Variants in SFMBT2 observed in about 807,000 individuals in gnomAD.
SFMBT2 encodes scm-like with four MBT domains protein 2.
A neutral mutation model predicts 110.1 loss-of-function variants in SFMBT2; 38 were observed. The ratio of observed to expected loss-of-function variants is 0.35; its 90% CI spans 0.27 to 0.45. The LOEUF (loss-of-function observed/expected upper bound fraction) is 0.45, where lower values mean the gene tolerates loss of function less well. Among genes scored for constraint, SFMBT2 ranks in the 20% least tolerant of loss-of-function variants. The pLI, the probability that SFMBT2 is intolerant of heterozygous loss-of-function variation, is 1.00. For synonymous variants in SFMBT2, 425 were observed against 425.4 expected (o/e 1.00, Z 0.01); for missense variants, 1,011 against 1,094.9 (o/e 0.92, Z 1.08).
intron 4 of SFMBT2, among the ~76,000 whole-genome samples, chr10:7,309,990 G>A (rs192475492): frequency 3.3e-5 from 5 of 152,248 alleles, no homozygotes; most frequent in South Asian, 4.2e-4. Flanking sequence ...AGGGGACAGC[G>A]CTGTATTCTG....
At chr10:7,315,203 C>T (rs557478762) in intron 4 of SFMBT2, among the ~76,000 whole-genome samples, 1 of 152,298 alleles carries the variant, frequency 6.6e-6, no homozygotes, top group Admixed American at 6.5e-5. Context: ...ATGTGCCTGG[C>T]CATGATGCTC....
intron 4 of SFMBT2, among the ~76,000 whole-genome samples, chr10:7,362,306 T>C (rs1383042162): frequency 6.6e-6 from 1 of 152,162 alleles, no homozygotes; most frequent in Non-Finnish European, 1.5e-5. Flanking sequence ...AATCCCCTAG[T>C]GATGACATCT....
chr10:7,184,994 G>A (rs979173495), intron 16 of SFMBT2, among the ~76,000 whole-genome samples: 4 of 152,084 alleles, frequency 2.6e-5, no homozygotes, highest in African/African-American at 7.2e-5. Flanking sequence ...CTTCAGGGTC[G>A]GGAGAATGGG....
chr10:7,225,902 C>T (rs956197762), intron 10 of SFMBT2, among the ~76,000 whole-genome samples: 1 of 151,416 alleles, frequency 6.6e-6, no homozygotes, highest in African/African-American at 2.5e-5. Flanking sequence ...TGAAAGCAGA[C>T]AAGCCAGCAG....
chr10:7,243,633 A>G lies in SFMBT2; in HGVS notation c.1045T>C (p.Cys349Arg). The stretch of plus-strand genomic sequence containing the variant: ...AAAATCCCCAAAGAATCTGCATGGC[A>G]CAGCATTGACAGTTTACTTGGTTCA... ...RPEPSKLSML[C>R]HADSLGILPV... Residue 349 changes from cysteine (C) to arginine (R), a missense_variant, in exon 9 of 21, where the codon TGC (cysteine) becomes CGC (arginine). Cys to Arg is a radical substitution (Grantham distance 180, BLOSUM62 -3). Transcript: ENST00000397167. The G allele has an allele frequency of 1.1e-6, 1 of 872,960 alleles. No homozygotes were observed. The highest frequency in any genetic ancestry group is 1.3e-5 in the South Asian group (1 of 76,538). The allele number at this position is 872,960 out of a possible 1,614,324, so 54.1% of individuals were successfully genotyped here.
intron 14 of SFMBT2, among the ~76,000 whole-genome samples, chr10:7,198,607 G>A (rs1461439183): frequency 4.6e-5 from 7 of 152,186 alleles, no homozygotes; most frequent in African/African-American, 1.2e-4. Flanking sequence ...GTCTGAAGAC[G>A]GTGAAGTAGA....
At chr10:7,267,350 C>G (rs569784822) in intron 7 of SFMBT2, among the ~76,000 whole-genome samples, 1 of 152,156 alleles carries the variant, frequency 6.6e-6, no homozygotes, top group Non-Finnish European at 1.5e-5. Flanking sequence ...CAGTAAATTA[C>G]CAAACCTGGG....
rs77761016 is a variant in SFMBT2 at position 7,356,294 on chromosome 10, G to C, written c.436+11355C>G. On this transcript the variant is annotated intron_variant, in intron 4 of 20. Transcript: ENST00000397167. Reference sequence around the variant, plus strand: ...AACCTCAAAGGCTGCTCATGTGTTCGTTTTTTTCCTGGGGTTGAGGACAGG... The same window carrying C: ...AACCTCAAAGGCTGCTCATGTGTTCCTTTTTTTCCTGGGGTTGAGGACAGG... 1.8e-4 allele frequency among the ~76,000 whole-genome samples: 28 copies of C among 152,276 alleles called. No homozygotes were observed. In the East Asian group the frequency reaches 5.4e-3, roughly 29 times the overall value.
chr10:7,376,567 T>A (rs527504960), intron 2 of SFMBT2, among the ~76,000 whole-genome samples: 1 of 149,752 alleles, frequency 6.7e-6, no homozygotes, highest in African/African-American at 2.5e-5. Flanking sequence ...GGCGTGGTGG[T>A]GGGCACCTGT....
At chr10:7,330,339 C>T (rs750218713) in intron 4 of SFMBT2, among the ~76,000 whole-genome samples, 4 of 152,168 alleles carry the variant, frequency 2.6e-5, no homozygotes, top group Admixed American at 1.3e-4. Context: ...AGGGTCCACC[C>T]GCGCTTCAGC....
intron 16 of SFMBT2, among the ~76,000 whole-genome samples, chr10:7,186,982 T>C (rs1047491078): frequency 2.7e-4 from 41 of 152,330 alleles, no homozygotes; most frequent in Admixed American, 2.5e-3. Flanking sequence ...TAATAGGTAA[T>C]ATGCTGCCTT....
At chr10:7,315,118 G>A (rs1842974194) in intron 4 of SFMBT2, among the ~76,000 whole-genome samples, 1 of 140,686 alleles carries the variant, frequency 7.1e-6, no homozygotes, top group Non-Finnish European at 1.6e-5. Flanking sequence ...GAAAAAGCAA[G>A]CAAGCAAGCC....
At chr10:7,263,036 G>A (rs1488637892) in intron 7 of SFMBT2, among the ~76,000 whole-genome samples, 1 of 152,108 alleles carries the variant, frequency 6.6e-6, no homozygotes, top group Non-Finnish European at 1.5e-5. Context: ...AAACGGGAAT[G>A]GCAACAGGAG....
chr10:7,211,250 C>A (rs1218518925), intron 11 of SFMBT2, among the ~76,000 whole-genome samples: 2 of 151,972 alleles, frequency 1.3e-5, no homozygotes, highest in East Asian at 3.9e-4. Flanking sequence ...ACAGTTCTTG[C>A]AGAATTCCCA....
Position 7,290,334 on chromosome 10 carries a change from T to C in SFMBT2, c.437-4380A>G, listed in dbSNP as rs77836939. ...TTTTCAAGGTTTTACTTAGTTATAA[T>C]ATTATATAAGCATTCCACTACACCT... On this transcript the variant is annotated intron_variant, in intron 4 of 20. Transcript: ENST00000397167. Among the ~76,000 whole-genome samples, 481 of 152,066 alleles carry C rather than the reference T, an allele frequency of 3.2e-3. 1 individual carries two copies. Among genetic ancestry groups the C allele is most frequent in the African/African-American group, 0.011 (469 of 41,484 alleles).
rs1380738935 is a variant in SFMBT2, at chr10:7,315,040, G to GAAAGAAAGA, written c.437-29095_437-29087dup. 5.3e-3 allele frequency among the ~76,000 whole-genome samples: 376 copies of GAAAGAAAGA among 71,452 alleles called. 3 individuals are homozygous for GAAAGAAAGA. The highest frequency in any genetic ancestry group is 0.016 in the African/African-American group (348 of 21,556). The allele number at this position is 71,452 out of a possible 152,430, so 46.9% of individuals were successfully genotyped here. On this transcript the variant is annotated intron_variant, in intron 4 of 20. Coordinates refer to ENST00000397167, the MANE Select transcript of SFMBT2 (RefSeq NM_001387889.1). ...GAAAAGAGAGAGAAAGAAAGAAAGA[G>GAAAGAAAGA]AAAGAAAGAAAGAAAGAAAGAAAGA...
Position 7,160,792 on chromosome 10 carries a change from A to G in SFMBT2, c.*2978T>C, listed in dbSNP as rs1837530903. The G allele has an allele frequency of 6.6e-6, 1 of 152,238 alleles. No individual in the cohort carries two copies. Among genetic ancestry groups the G allele is most frequent in the Non-Finnish European group, 1.5e-5 (1 of 68,058 alleles). The allele number at this position is 152,238 out of a possible 1,614,324, so 9.4% of individuals were successfully genotyped here. A position where few individuals can be genotyped will look rare whatever the true frequency, so the allele number is the denominator to read the frequency against. Reference sequence around the variant, plus strand: ...CTACAGAGAAATGAAAACACATTACAATTCTGTACCAGAACTGCTGCTGAT... The same window carrying G: ...CTACAGAGAAATGAAAACACATTACGATTCTGTACCAGAACTGCTGCTGAT... On this transcript the variant is annotated 3_prime_UTR_variant, in exon 21 of 21. Transcript: ENST00000397167.
chr10:7,315,108 G>GAA (rs869110068), intron 4 of SFMBT2, among the ~76,000 whole-genome samples: 5 of 132,728 alleles, frequency 3.8e-5, no homozygotes, highest in Non-Finnish European at 5.3e-5. Flanking sequence ...AAGAAAGAAA[G>GAA]AAAAAGCAAG....
Position 7,361,984 on chromosome 10 carries a change from T to C in SFMBT2, c.436+5665A>G, listed in dbSNP as rs1407199001. On this transcript the variant is annotated intron_variant, in intron 4 of 20. Coordinates refer to ENST00000397167, the MANE Select transcript of SFMBT2 (RefSeq NM_001387889.1). ...TGAAGTCGTCACTGGATTAAATGAT[T>C]TCCATACATTCTCACCATAAACAAT... is the stretch of plus-strand genomic sequence containing the variant. Among the ~76,000 whole-genome samples the C allele has an allele frequency of 2.0e-5, 3 of 152,180 alleles. No individual in the cohort carries two copies. The East Asian group carries it at 5.8e-4, about 29-fold the overall frequency.
Sources: allele counts gnomAD v4.1 joint callset (sites outside exome capture counted in the v4.1 genomes callset), GRCh38; gene constraint gnomAD v4.1.1; transcripts MANE v1.5; gene names NCBI Gene and HGNC (gene_info 2026-07-23, HGNC 2026-07-21).